KALRN: variants seen among roughly 807,000 people sequenced by gnomAD.
KALRN encodes kalirin.
In KALRN, 70 loss-of-function variants were observed where a neutral mutation model predicts 353.7. The ratio of observed to expected loss-of-function variants is 0.20; its 90% CI spans 0.16 to 0.24. KALRN has a LOEUF of 0.24. Ranked by LOEUF, KALRN falls within the 10% of genes least tolerant of loss-of-function variation. The pLI, the probability that KALRN is intolerant of heterozygous loss-of-function variation, is 1.00. For missense variants in KALRN, 2,791 were observed against 3,756.7 expected (o/e 0.74, Z 6.72); for synonymous variants, 1,391 against 1,434.8 (o/e 0.97, Z 0.69).
At chr3:124,235,930 A>T (rs141291631) in intron 3 of KALRN, among the ~76,000 whole-genome samples, 18 of 152,360 alleles carry the variant, frequency 1.2e-4, no homozygotes, top group Non-Finnish European at 2.2e-4. Flanking sequence ...GAATGTGCTG[A>T]TTAAGTTCTT....
Position 124,326,111 on chromosome 3 carries a change from C to A in KALRN, c.1224C>A (p.Ala408=). The A allele has an allele frequency of 1.2e-6, 2 of 1,613,852 alleles. No homozygotes were observed. Among genetic ancestry groups the A allele is most frequent in the Non-Finnish European group, 1.7e-6 (2 of 1,179,838 alleles). ...LDQEWKSFAA[A]LDERSTILAM... is the part of the protein sequence containing the mutation. Reference sequence around the variant, plus strand: ...AGGAGTGGAAGAGCTTCGCTGCTGCCCTGGATGAACGCAGCACCATCCTCG... The same window carrying A: ...AGGAGTGGAAGAGCTTCGCTGCTGCACTGGATGAACGCAGCACCATCCTCG... The change falls in exon 7 of 60, where the codon GCC becomes GCA. Residue 408 remains alanine (A), a synonymous_variant. Coordinates refer to ENST00000682506, the MANE Select transcript of KALRN (RefSeq NM_001388419.1).
Position 124,702,043 on chromosome 3 carries a change from G to A in KALRN, c.8002G>A (p.Ala2668Thr). 3.7e-6 allele frequency: 6 copies of A among 1,612,954 alleles called. No individual in the cohort carries two copies. The highest frequency in any genetic ancestry group is 5.1e-6 in the Non-Finnish European group (6 of 1,179,248). ...EFVRLPEYDAAADGATISWKE... is the reference protein window; with the variant it reads ...EFVRLPEYDATADGATISWKE... ...GGATTCTCTTTCTTCCGAAGATGCT[G>A]CTGCTGATGGTGCCACCATTTCTTG... The change falls in exon 57 of 60, where the codon GCT becomes ACT. Residue 2668 changes from alanine to threonine, a missense_variant. By Grantham distance (58) the Ala-to-Thr change is moderately conservative. Coordinates refer to ENST00000682506, the MANE Select transcript of KALRN (RefSeq NM_001388419.1).
At chr3:124,569,577 C>T (rs1469312128) in intron 34 of KALRN, among the ~76,000 whole-genome samples, 2 of 152,156 alleles carry the variant, frequency 1.3e-5, no homozygotes, top group East Asian at 3.9e-4. Flanking sequence ...TGCTCAAAGT[C>T]ACATAGCTGA....
Position 124,234,870 on chromosome 3 carries a change from G to A in KALRN, c.190G>A (p.Ala64Thr). 1 of 1,609,018 alleles carries A rather than the reference G, an allele frequency of 6.2e-7. No homozygotes were observed. Among genetic ancestry groups the A allele is most frequent in the Non-Finnish European group, 8.5e-7 (1 of 1,177,458 alleles). Residue 64 changes from alanine (A) to threonine (T), a missense_variant, in exon 3 of 60, where the codon GCT becomes ACT. By Grantham distance (58) the Ala-to-Thr change is moderately conservative. This residue lies in a region of KALRN where 110 missense variants were observed against 204.1 expected (regional missense o/e 0.54). Transcript: ENST00000682506. ...KRGGPILTFP[A>T]RSNHDRIRQE... Reference sequence around the variant, plus strand: ...AGGCGGACCCATCCTGACCTTCCCTGCTCGCAGCAATCATGACAGAATAAG... The same window carrying A: ...AGGCGGACCCATCCTGACCTTCCCTACTCGCAGCAATCATGACAGAATAAG...
Position 124,482,688 on chromosome 3 carries a change from A to G in KALRN, c.4192-120A>G, listed in dbSNP as rs977791771. ...TCTCCCTATGAAAGAACATGTTCTC[A>G]TACTTGTCTACCTTTTTCTCTTTCT... On this transcript the variant is annotated intron_variant, in intron 27 of 59. Transcript: ENST00000682506. 21 of 700,424 alleles carry G rather than the reference A, an allele frequency of 3.0e-5. No individual in the cohort carries two copies. In the Admixed American group the frequency reaches 4.2e-4, roughly 14 times the overall value. The allele number at this position is 700,424 out of a possible 1,614,324, so 43.4% of individuals were successfully genotyped here. A position where few individuals can be genotyped will look rare whatever the true frequency, so the allele number is the denominator to read the frequency against.
intron 34 of KALRN, among the ~76,000 whole-genome samples, chr3:124,577,075 G>T (rs2074180802): frequency 6.6e-6 from 1 of 152,132 alleles, no homozygotes; most frequent in Admixed American, 6.6e-5. Context: ...CTTGTTGCCA[G>T]CAGTTCTTCC....
intron 6 of KALRN, among the ~76,000 whole-genome samples, chr3:124,305,909 A>G (rs1316389805): frequency 6.6e-6 from 1 of 152,124 alleles, no homozygotes; most frequent in Non-Finnish European, 1.5e-5. Context: ...AAAATAAAAA[A>G]CAGTCAATAG....
intron 10 of KALRN, among the ~76,000 whole-genome samples, chr3:124,366,813 G>A (rs1233116949): frequency 2.7e-5 from 4 of 150,430 alleles, no homozygotes; most frequent in Non-Finnish European, 3.0e-5. Flanking sequence ...TCCCGGACGG[G>A]GTGGCTGGCT....
intron 6 of KALRN, among the ~76,000 whole-genome samples, chr3:124,319,807 A>G (rs2079140216): frequency 6.6e-6 from 1 of 152,018 alleles, no homozygotes; most frequent in African/African-American, 2.4e-5. Context: ...AGCCTGGCCA[A>G]CATGGCAAAA....
chr3:124,544,626 ATATATC>A (rs1193718129), intron 33 of KALRN, among the ~76,000 whole-genome samples: 3 of 150,064 alleles, frequency 2.0e-5, no homozygotes, highest in Admixed American at 2.0e-4. Flanking sequence ...ATGTATATCT[ATATATC>A]TATATAGATA....
rs543343027 is a variant in KALRN, at chr3:124,251,629, C to T, written c.264-12869C>T. The stretch of plus-strand genomic sequence containing the variant: ...CAAGCAAGTCGCCTGTTGCAGCCTT[C>T]CAAAGTGCTGGGATTACAGGCGTGA... On this transcript the variant is annotated intron_variant, in intron 3 of 59. Coordinates refer to ENST00000682506, the MANE Select transcript of KALRN (RefSeq NM_001388419.1). Among the ~76,000 whole-genome samples, 74 of 152,272 alleles carry T rather than the reference C, an allele frequency of 4.9e-4. 1 individual carries two copies. Among genetic ancestry groups the T allele is most frequent in the Non-Finnish European group, 6.6e-4 (45 of 68,020 alleles).
intron 1 of KALRN, among the ~76,000 whole-genome samples, chr3:124,135,123 A>G (rs373136756): frequency 6.6e-6 from 1 of 152,218 alleles, no homozygotes; most frequent in African/African-American, 2.4e-5. Context: ...TGTGGAACCA[A>G]CCCAAATGCC....
intron 6 of KALRN, among the ~76,000 whole-genome samples, chr3:124,311,867 A>G (rs1283644412): frequency 6.6e-6 from 1 of 152,254 alleles, no homozygotes; most frequent in East Asian, 1.9e-4. Context: ...ATGGACCTTG[A>G]AAACATTTTG....
intron 1 of KALRN, among the ~76,000 whole-genome samples, chr3:124,123,937 C>T (rs1022001602): frequency 1.3e-5 from 2 of 152,212 alleles, no homozygotes; most frequent in Non-Finnish European, 2.9e-5. Context: ...CTGGTCACCC[C>T]AGAGCTCTGA....
At chr3:124,369,638 A>G (rs1407314549) in intron 10 of KALRN, among the ~76,000 whole-genome samples, 1 of 152,196 alleles carries the variant, frequency 6.6e-6, no homozygotes, top group East Asian at 1.9e-4. Flanking sequence ...TTTTTTAAGA[A>G]TACATATATT....
At chr3:124,127,784 A>C (rs1273675351) in intron 1 of KALRN, among the ~76,000 whole-genome samples, 1 of 152,182 alleles carries the variant, frequency 6.6e-6, no homozygotes, top group African/African-American at 2.4e-5. Context: ...ACCTTAGTTC[A>C]ACCCTCTAGA....
At chr3:124,276,997 T>C (rs1001277571) in intron 5 of KALRN, among the ~76,000 whole-genome samples, 5 of 152,136 alleles carry the variant, frequency 3.3e-5, no homozygotes. Context: ...ACACACTCTC[T>C]ACACCCTCTC....
chr3:124,530,111 T>C (rs1190524382), intron 33 of KALRN, among the ~76,000 whole-genome samples: 1 of 152,238 alleles, frequency 6.6e-6, no homozygotes, highest in African/African-American at 2.4e-5. Flanking sequence ...CAGTGGCATC[T>C]GATGCCAATT....
intron 10 of KALRN, among the ~76,000 whole-genome samples, chr3:124,371,286 C>T (rs1023966146): frequency 5.3e-5 from 8 of 152,118 alleles, no homozygotes; most frequent in Non-Finnish European, 8.8e-5. Flanking sequence ...TTTTTGAAGA[C>T]CCTTTGTCCT....
Sources: allele counts gnomAD v4.1 joint callset (sites outside exome capture counted in the v4.1 genomes callset), GRCh38; gene constraint gnomAD v4.1.1; regional missense constraint gnomAD v4.1.1; transcripts MANE v1.5; gene names NCBI Gene and HGNC (gene_info 2026-07-23, HGNC 2026-07-21).